Variants in PTPRE observed in about 807,000 individuals in gnomAD.
The protein encoded by PTPRE is receptor-type tyrosine-protein phosphatase epsilon.
PTPRE carries 51 observed loss-of-function variants against 102.0 expected under a neutral mutation model. The observed-to-expected ratio is 0.50, with a 90% CI of 0.40 to 0.63. The LOEUF (loss-of-function observed/expected upper bound fraction) is 0.63. PTPRE is among the 30% of genes least tolerant of loss of function. The pLI is 0.00. For synonymous variants in PTPRE, 345 were observed against 348.2 expected (o/e 0.99, Z 0.10); for missense variants, 752 against 915.1 (o/e 0.82, Z 2.30).
chr10:127,907,187 C>T lies in PTPRE; in HGVS notation c.-153C>T. On this transcript the variant is annotated 5_prime_UTR_variant, in exon 1 of 21. Coordinates refer to ENST00000254667, the MANE Select transcript of PTPRE (RefSeq NM_006504.6). The surrounding 1 kb of genome is among the most constrained non-coding windows in gnomAD (Gnocchi z 4.8). ...AGGAACCCACGGCCTCTGCGCGTCC[C>T]CGCGACCCTTCTTCGCGCCCGGCGA... is the stretch of plus-strand genomic sequence containing the variant. 1.1e-6 allele frequency: 1 copy of T among 911,374 alleles called. No individual in the cohort carries two copies. Among genetic ancestry groups the T allele is most frequent in the Non-Finnish European group, 1.3e-6 (1 of 763,068 alleles). 56.5% of individuals were successfully genotyped at this position (911,374 alleles called of 1,614,324 possible). A position where few individuals can be genotyped will look rare whatever the true frequency, so the allele number is the denominator to read the frequency against.
At chr10:127,974,012 C>G (rs1035119097) in intron 1 of PTPRE, among the ~76,000 whole-genome samples, 1 of 152,250 alleles carries the variant, frequency 6.6e-6, no homozygotes, top group African/African-American at 2.4e-5. Flanking sequence ...CAGGAATCCA[C>G]AGTCCACACT....
intron 2 of PTPRE, among the ~76,000 whole-genome samples, 193 bp downstream of exon 2, chr10:127,982,489 C>CGTGT (rs59170572): frequency 0.039 from 5,552 of 142,638 alleles, 133 homozygotes; most frequent in East Asian, 0.11. Flanking sequence ...ACATCATTTG[C>CGTGT]GTGTGTGTGT....
rs543297502 is a variant in PTPRE at position 128,037,559 on chromosome 10, C to T, written c.-7-3316C>T. ...GCATCTCTGGGGCTTACCTGGCTGC[C>T]TGACCTAAGAACTTGCCCAGTGAAG... On this transcript the variant is annotated intron_variant, in intron 2 of 20. Transcript: ENST00000254667. 8.5e-5 allele frequency among the ~76,000 whole-genome samples: 13 copies of T among 152,244 alleles called. No homozygotes were observed. The East Asian group carries it at 2.5e-3, about 29-fold the overall frequency.
At position 127,972,411 on chromosome 10, in the gene PTPRE, A is replaced by G. The variant is rs536695094; in HGVS notation, c.-30-9863A>G. 1.1e-4 allele frequency among the ~76,000 whole-genome samples: 16 copies of G among 152,282 alleles called. No individual in the cohort carries two copies. In the South Asian group the frequency reaches 3.3e-3, roughly 32 times the overall value. On this transcript the variant is annotated intron_variant, in intron 1 of 20. Coordinates refer to ENST00000254667, the MANE Select transcript of PTPRE (RefSeq NM_006504.6). Reference sequence around the variant, plus strand: ...ATGTTACTTCAGGGTGGCCGTGAGGATCAGACAGGATCCTGTATGTACAGT... The same window carrying G: ...ATGTTACTTCAGGGTGGCCGTGAGGGTCAGACAGGATCCTGTATGTACAGT...
At chr10:128,015,954 C>T (rs1325651926) in intron 2 of PTPRE, among the ~76,000 whole-genome samples, 2 of 152,164 alleles carry the variant, frequency 1.3e-5, no homozygotes, top group Non-Finnish European at 2.9e-5. Context: ...ACTAGAGAAG[C>T]TTTAGGACAC....
At chr10:128,065,377 C>T (rs938057187) in intron 10 of PTPRE, among the ~76,000 whole-genome samples, 1 of 152,104 alleles carries the variant, frequency 6.6e-6, no homozygotes, top group Admixed American at 6.6e-5. Flanking sequence ...CATTCACTCG[C>T]GAAGTGATGG....
intron 1 of PTPRE, among the ~76,000 whole-genome samples, chr10:127,939,837 C>G (rs1356158242): frequency 6.7e-6 from 1 of 148,868 alleles, no homozygotes; most frequent in Non-Finnish European, 1.5e-5. Context: ...CAGGTGAGGG[C>G]AGGTGCAGGC....
At chr10:128,039,035 A>C (rs1847456990) in intron 2 of PTPRE, among the ~76,000 whole-genome samples, 1 of 152,192 alleles carries the variant, frequency 6.6e-6, no homozygotes, top group Non-Finnish European at 1.5e-5. Flanking sequence ...AGGGTTATTA[A>C]ATTAATGCAT....
intron 2 of PTPRE, among the ~76,000 whole-genome samples, chr10:128,005,287 G>A (rs930478456): frequency 6.6e-6 from 1 of 152,192 alleles, no homozygotes. Context: ...CATCATAAAG[G>A]GAAAGACTCC....
At chr10:128,079,093 C>A (rs1305713771) in intron 19 of PTPRE, among the ~76,000 whole-genome samples, 1 of 152,172 alleles carries the variant, frequency 6.6e-6, no homozygotes, top group African/African-American at 2.4e-5. Flanking sequence ...TAAACTGCCC[C>A]TCCCTTTCAG....
At chr10:127,991,142 A>G (rs911585350) in intron 2 of PTPRE, among the ~76,000 whole-genome samples, 1 of 152,228 alleles carries the variant, frequency 6.6e-6, no homozygotes, top group African/African-American at 2.4e-5. Context: ...TCAACAGAAG[A>G]CACACTGGAA....
chr10:128,024,694 C>T (rs890391003), intron 2 of PTPRE, among the ~76,000 whole-genome samples: 2 of 152,224 alleles, frequency 1.3e-5, no homozygotes, highest in African/African-American at 4.8e-5. Context: ...CTGGTCCCAC[C>T]CCTCAGCATC....
chr10:127,943,235 A>G (rs1405797291), intron 1 of PTPRE, among the ~76,000 whole-genome samples: 1 of 152,214 alleles, frequency 6.6e-6, no homozygotes, highest in Non-Finnish European at 1.5e-5. Flanking sequence ...TGAGCGTCAC[A>G]GTGGTATTTG....
chr10:127,995,699 G>A (rs924495659), intron 2 of PTPRE, among the ~76,000 whole-genome samples: 2 of 152,188 alleles, frequency 1.3e-5, no homozygotes, highest in African/African-American at 4.8e-5. Context: ...GGTGGCTAAA[G>A]CAAGCATTGC....
intron 1 of PTPRE, chr10:127,929,762 A>G (rs1847281678): frequency 6.6e-6 from 1 of 152,178 alleles, no homozygotes; most frequent in African/African-American, 2.4e-5. Context: ...ATGCCTTTAA[A>G]ACATTGTTTT....
At chr10:127,991,768 C>T (rs1425429542) in intron 2 of PTPRE, among the ~76,000 whole-genome samples, 1 of 152,186 alleles carries the variant, frequency 6.6e-6, no homozygotes, top group Non-Finnish European at 1.5e-5. Flanking sequence ...TCTGACTGGC[C>T]TCTGTCCGTC....
At chr10:127,919,959 A>G (rs1482665827) in intron 1 of PTPRE, among the ~76,000 whole-genome samples, 1 of 151,810 alleles carries the variant, frequency 6.6e-6, no homozygotes, top group African/African-American at 2.4e-5. Context: ...TAATTTGTAA[A>G]TGCTTTATGG....
Position 127,907,263 on chromosome 10 carries a change from A to G in PTPRE, c.-77A>G. 2 of 984,294 alleles carry G rather than the reference A, an allele frequency of 2.0e-6. No individual in the cohort carries two copies. The highest frequency in any genetic ancestry group is 2.4e-6 in the Non-Finnish European group (2 of 829,634). 61.0% of individuals were successfully genotyped at this position (984,294 alleles called of 1,614,324 possible). Reference sequence around the variant, plus strand: ...GCGGGCAGGCGCCCGGGAGATGCGGAGCCTCCGCTGCAGCGCGATCTGCGC... The same window carrying G: ...GCGGGCAGGCGCCCGGGAGATGCGGGGCCTCCGCTGCAGCGCGATCTGCGC... On this transcript the variant is annotated 5_prime_UTR_variant, in exon 1 of 21. Transcript: ENST00000254667. This position sits in a 1 kb window ranked among gnomAD's most constrained non-coding sequence, Gnocchi z 4.8.
In PTPRE at chr10:128,079,665, A is replaced by C; in HGVS notation, c.1998A>C (p.Arg666=). ...TATTTCAAGCTGTGAAGAGTTTACG[A>C]CTTCAGAGACCACATATGGTGCAAA... ...LDVFQAVKSL[R]LQRPHMVQTL... Residue 666 remains arginine, a synonymous_variant, in exon 20 of 21, where the codon CGA becomes CGC. Coordinates refer to ENST00000254667, the MANE Select transcript of PTPRE (RefSeq NM_006504.6). 1 of 1,613,810 alleles carries C rather than the reference A, an allele frequency of 6.2e-7. No individual in the cohort carries two copies. The highest frequency in any genetic ancestry group is 8.5e-7 in the Non-Finnish European group (1 of 1,179,664).
Sources: gnomAD v4.1 joint callset for allele counts (sites outside exome capture counted in the v4.1 genomes callset) on GRCh38, gnomAD v4.1.1 for gene constraint, Gnocchi (gnomAD v3.1) non-coding constraint, MANE v1.5 for transcripts, NCBI Gene and HGNC (gene_info 2026-07-23, HGNC 2026-07-21) for gene names.